ZNRF2: variants seen among roughly 807,000 people sequenced by gnomAD.
The protein encoded by ZNRF2 is E3 ubiquitin-protein ligase ZNRF2.
A neutral mutation model predicts 20.4 loss-of-function variants in ZNRF2; 16 were observed. That is an observed-to-expected ratio of 0.79 (90% CI 0.53 to 1.19). The LOEUF is 1.19. Ranked by LOEUF, ZNRF2 falls within the 50% of genes most tolerant of loss-of-function variation. The pLI, the probability that ZNRF2 is intolerant of heterozygous loss-of-function variation, is 0.00. For synonymous variants in ZNRF2, 178 were observed against 144.9 expected (o/e 1.23, Z -1.64); for missense variants, 363 against 332.4 (o/e 1.09, Z -0.72).
chr7:30,294,394 G>A (rs1020481777), intron 1 of ZNRF2, among the ~76,000 whole-genome samples: 2 of 152,154 alleles, frequency 1.3e-5, no homozygotes, highest in African/African-American at 4.8e-5. Context: ...ACTGCATTTC[G>A]ATATTTTCTT....
At chr7:30,335,540 A>G (rs1316172915) in intron 2 of ZNRF2, among the ~76,000 whole-genome samples, 1 of 152,122 alleles carries the variant, frequency 6.6e-6, no homozygotes, top group Admixed American at 6.5e-5. Flanking sequence ...TTACCCTTTT[A>G]CAAAATTATT....
At chr7:30,330,176 T>C (rs1345411975) in intron 2 of ZNRF2, among the ~76,000 whole-genome samples, 1 of 152,174 alleles carries the variant, frequency 6.6e-6, no homozygotes, top group Non-Finnish European at 1.5e-5. Flanking sequence ...GGAATCTTTG[T>C]TTTACTTGTG....
intron 1 of ZNRF2, among the ~76,000 whole-genome samples, chr7:30,293,836 A>T (rs141187859): frequency 6.6e-6 from 1 of 152,322 alleles, no homozygotes. Flanking sequence ...AAAATTATAG[A>T]TGTATTCAGT....
At chr7:30,338,183 T>A (rs150199128) in intron 2 of ZNRF2, among the ~76,000 whole-genome samples, 1 of 152,308 alleles carries the variant, frequency 6.6e-6, no homozygotes, top group Non-Finnish European at 1.5e-5. Flanking sequence ...CTGTGGATTG[T>A]AATCCTTGAA....
intron 2 of ZNRF2, among the ~76,000 whole-genome samples, chr7:30,345,173 C>T (rs1037576879): frequency 6.6e-6 from 1 of 151,844 alleles, no homozygotes; most frequent in Non-Finnish European, 1.5e-5. Context: ...ATAGGCATTA[C>T]TGCATTTCCT....
At chr7:30,295,050 A>AGAGTGTGTGT (rs1412764480) in intron 1 of ZNRF2, among the ~76,000 whole-genome samples, 17 of 38,282 alleles carry the variant, frequency 4.4e-4, no homozygotes, top group East Asian at 1.0e-3. Flanking sequence ...AGAGAGAGAG[A>AGAGTGTGTGT]GTGTGTGTGT....
At chr7:30,297,333 T>C (rs1405543373) in intron 1 of ZNRF2, among the ~76,000 whole-genome samples, 1 of 152,214 alleles carries the variant, frequency 6.6e-6, no homozygotes, top group Non-Finnish European at 1.5e-5. Context: ...TGCCTCTCTC[T>C]TATGTTCAGT....
chr7:30,329,868 T>G (rs80063435), intron 2 of ZNRF2, among the ~76,000 whole-genome samples: 30 of 152,324 alleles, frequency 2.0e-4, no homozygotes, highest in African/African-American at 7.0e-4. Flanking sequence ...TTTCGTTTTT[T>G]GAGGAACCTC....
intron 1 of ZNRF2, among the ~76,000 whole-genome samples, chr7:30,294,273 T>G (rs1798969866): frequency 6.6e-6 from 1 of 152,264 alleles, no homozygotes; most frequent in South Asian, 2.1e-4. Flanking sequence ...TGTTTACTTC[T>G]TGTTACATAT....
chr7:30,349,335 T>A, intron 2 of ZNRF2, among the ~76,000 whole-genome samples: 1 of 152,200 alleles, frequency 6.6e-6, no homozygotes, highest in East Asian at 1.9e-4. Flanking sequence ...TTCACAAGGA[T>A]CCTAAGAGAC....
intron 2 of ZNRF2, among the ~76,000 whole-genome samples, chr7:30,326,961 A>G (rs1477328472): frequency 1.3e-5 from 2 of 151,846 alleles, no homozygotes; most frequent in African/African-American, 4.8e-5. Context: ...TCTCCTTTGC[A>G]CATTTTTTCA....
chr7:30,335,036 A>T (rs1367348576), intron 2 of ZNRF2, among the ~76,000 whole-genome samples: 1 of 136,442 alleles, frequency 7.3e-6, no homozygotes, highest in African/African-American at 3.5e-5. Flanking sequence ...AGAAGAGAAA[A>T]TAAAAATAAT....
chr7:30,319,823 C>T (rs1013822507), intron 1 of ZNRF2, among the ~76,000 whole-genome samples: 3 of 152,178 alleles, frequency 2.0e-5, no homozygotes, highest in Non-Finnish European at 4.4e-5. Flanking sequence ...TCTGGTTCAT[C>T]TCTACTGTTG....
chr7:30,302,649 A>G (rs1445386463), intron 1 of ZNRF2, among the ~76,000 whole-genome samples: 1 of 152,138 alleles, frequency 6.6e-6, no homozygotes, highest in Non-Finnish European at 1.5e-5. Context: ...TAGTAGAAAT[A>G]TTGCTGTTGT....
chr7:30,360,864 T>C (rs897351190), intron 3 of ZNRF2, among the ~76,000 whole-genome samples: 1 of 152,202 alleles, frequency 6.6e-6, no homozygotes, highest in Non-Finnish European at 1.5e-5. Flanking sequence ...TATACACATA[T>C]ATAGTTATAT....
chr7:30,336,314 A>AGTATCTTCTCAGCCACTGAGTAGTTTG lies in ZNRF2; in HGVS notation c.565+12634_565+12660dup, dbSNP rs1233850189. Among the ~76,000 whole-genome samples, 16 of 151,980 alleles carry AGTATCTTCTCAGCCACTGAGTAGTTTG rather than the reference A, an allele frequency of 1.1e-4. 1 individual carries two copies. The highest frequency in any genetic ancestry group is 2.1e-4 in the South Asian group (1 of 4,818). On this transcript the variant is annotated intron_variant, in intron 2 of 4. Coordinates refer to ENST00000323037, the MANE Select transcript of ZNRF2 (RefSeq NM_147128.4). ...TGGATTTGCCTCAGAAGTGGCCATA[A>AGTATCTTCTCAGCCACTGAGTAGTTTG]GTATCTTCTCAGCCACTGAGTAGTT...
intron 1 of ZNRF2, among the ~76,000 whole-genome samples, chr7:30,301,856 A>G (rs1047812530): frequency 3.3e-5 from 5 of 152,198 alleles, no homozygotes; most frequent in Admixed American, 6.5e-5. Flanking sequence ...GTCCTCTTGT[A>G]GGCTAGTGCA....
chr7:30,336,764 T>C (rs1029445588), intron 2 of ZNRF2, among the ~76,000 whole-genome samples: 4 of 152,132 alleles, frequency 2.6e-5, no homozygotes, highest in African/African-American at 9.7e-5. Context: ...ATTTTAAAAA[T>C]GTTTTGATGT....
intron 3 of ZNRF2, among the ~76,000 whole-genome samples, chr7:30,360,491 C>T (rs539261702): frequency 6.6e-6 from 1 of 152,004 alleles, no homozygotes; most frequent in East Asian, 1.9e-4. Context: ...AGTTCAAGAC[C>T]AGCCTGACCA....
Sources: allele counts gnomAD v4.1 joint callset (sites outside exome capture counted in the v4.1 genomes callset), GRCh38; gene constraint gnomAD v4.1.1; transcripts MANE v1.5; gene names NCBI Gene and HGNC (gene_info 2026-07-23, HGNC 2026-07-21).